Variants in AGO2 observed in about 807,000 individuals in gnomAD.
AGO2 encodes the protein protein argonaute-2.
AGO2 carries 5 observed loss-of-function variants against 102.3 expected under a neutral mutation model. The ratio of observed to expected loss-of-function variants is 0.05; its 90% CI spans 0.03 to 0.10. The LOEUF (loss-of-function observed/expected upper bound fraction) is 0.10, where lower values mean the gene tolerates loss of function less well. Ranked by LOEUF, AGO2 falls within the 10% of genes least tolerant of loss-of-function variation. The pLI is 1.00. For missense variants in AGO2, 541 were observed against 1,183.7 expected (o/e 0.46, Z 7.97); for synonymous variants, 449 against 473.1 (o/e 0.95, Z 0.66).
At chr8:140,592,609 C>T (rs1335285235) in intron 1 of AGO2, 1 of 152,196 alleles carries the variant, frequency 6.6e-6, no homozygotes, top group Non-Finnish European at 1.5e-5. Flanking sequence ...CATAGGAAGG[C>T]TATTACTCTA....
Position 140,612,220 on chromosome 8 carries a change from CAAAAAAAAAAAAAAAAAAAAAAA to C in AGO2, c.22+23242_22+23264del, listed in dbSNP as rs542472147. Among the ~76,000 whole-genome samples, 80 of 95,938 alleles carry C rather than the reference CAAAAAAAAAAAAAAAAAAAAAAA, an allele frequency of 8.3e-4. 2 individuals carry two copies. In the East Asian group the frequency reaches 0.018, roughly 22 times the overall value. The allele number at this position is 95,938 out of a possible 152,430, so 62.9% of individuals were successfully genotyped here. ...CCTGGCCAAGAGCGAGACTCTGTCT[CAAAAAAAAAAAAAAAAAAAAAAA>C]AAAAAAAAAAAAAAAAGACTTCTGG... On this transcript the variant is annotated intron_variant, in intron 1 of 18. Coordinates refer to ENST00000220592, the MANE Select transcript of AGO2 (RefSeq NM_012154.5).
rs558473626 is a variant in AGO2 at position 140,624,843 on chromosome 8, G to A, written c.22+10642C>T. 3.3e-5 allele frequency among the ~76,000 whole-genome samples: 5 copies of A among 152,316 alleles called. No homozygotes were observed. The East Asian group carries it at 5.8e-4, about 18-fold the overall frequency. ...GCCACTGGGATCTGCAATGAGAAAC[G>A]GGAAACGGGACGAGGCTCAAAGAGA... On this transcript the variant is annotated intron_variant, in intron 1 of 18. Transcript: ENST00000220592.
At chr8:140,574,565 A>AG (rs1395049775) in intron 2 of AGO2, among the ~76,000 whole-genome samples, 1 of 152,044 alleles carries the variant, frequency 6.6e-6, no homozygotes, top group Non-Finnish European at 1.5e-5. Flanking sequence ...TGCCCAGCTC[A>AG]GGGGGGTTCT....
At chr8:140,583,950 C>T (rs1165023426) in intron 2 of AGO2, among the ~76,000 whole-genome samples, 1 of 152,108 alleles carries the variant, frequency 6.6e-6, no homozygotes, top group Non-Finnish European at 1.5e-5. Context: ...GATTTCAGCT[C>T]CCTTACAATC....
Position 140,528,588 on chromosome 8 carries a change from A to G in AGO2, c.*3456T>C, listed in dbSNP as rs2072540248. 6.6e-6 allele frequency: 1 copy of G among 152,240 alleles called. No individual in the cohort carries two copies. The highest frequency in any genetic ancestry group is 1.5e-5 in the Non-Finnish European group (1 of 68,046). 9.4% of individuals were successfully genotyped at this position (152,240 alleles called of 1,614,324 possible). A position where few individuals can be genotyped will look rare whatever the true frequency, so the allele number is the denominator to read the frequency against. Reference sequence around the variant, plus strand: ...TCGTTTGTGGTTCTAGAGTGCAAACATTCATTCAAAGGAGTGTGAGACCAC... The same window carrying G: ...TCGTTTGTGGTTCTAGAGTGCAAACGTTCATTCAAAGGAGTGTGAGACCAC... On this transcript the variant is annotated 3_prime_UTR_variant, in exon 19 of 19. Coordinates refer to ENST00000220592, the MANE Select transcript of AGO2 (RefSeq NM_012154.5). This position sits in a 1 kb window ranked among gnomAD's most constrained non-coding sequence, Gnocchi z 4.5.
intron 1 of AGO2, among the ~76,000 whole-genome samples, chr8:140,634,319 A>C (rs1043944216): frequency 2.6e-5 from 4 of 152,268 alleles, no homozygotes; most frequent in Non-Finnish European, 5.9e-5. Flanking sequence ...TCCGGACCCC[A>C]CAATTTGGGG....
At chr8:140,576,859 G>A (rs1172519994) in intron 2 of AGO2, among the ~76,000 whole-genome samples, 2 of 152,112 alleles carry the variant, frequency 1.3e-5, no homozygotes, top group African/African-American at 2.4e-5. Context: ...TGCCACACCC[G>A]CACAATGCAA....
Position 140,539,002 on chromosome 8 carries a change from C to T in AGO2, c.2169+318G>A. On this transcript the variant is annotated intron_variant, in intron 16 of 18. Transcript: ENST00000220592. The surrounding 1 kb of genome is among the most constrained non-coding windows in gnomAD (Gnocchi z 4.7). ...GCCTTAGTCCTAGCTACCAGGGAGG[C>T]TGACGTGGGAAGATCACTTGAGCCC... Among the ~76,000 whole-genome samples, 1 of 152,154 alleles carries T rather than the reference C, an allele frequency of 6.6e-6. No homozygotes were observed. Among genetic ancestry groups the T allele is most frequent in the South Asian group, 2.1e-4 (1 of 4,832 alleles).
intron 6 of AGO2, 49 bp downstream of exon 6, chr8:140,559,346 G>A (rs1340591997): frequency 1.9e-5 from 31 of 1,601,926 alleles, no homozygotes; most frequent in Non-Finnish European, 2.6e-5. Context: ...AGGCGGACCG[G>A]GAAGGGGCCT....
In AGO2 at chr8:140,525,908, C is replaced by T. The variant is rs1159259422; in HGVS notation, c.*6136G>A. On this transcript the variant is annotated 3_prime_UTR_variant, in exon 19 of 19. Coordinates refer to ENST00000220592, the MANE Select transcript of AGO2 (RefSeq NM_012154.5). ...GTTCAGAGCCTCCCAGGACCGACTT[C>T]CTGCAAGTCTGCATCAGACGGTCCA... The T allele has an allele frequency of 6.6e-6, 1 of 152,156 alleles. No homozygotes were observed. Among genetic ancestry groups the T allele is most frequent in the African/African-American group, 2.4e-5 (1 of 41,434 alleles). The allele number at this position is 152,156 out of a possible 1,614,324, so 9.4% of individuals were successfully genotyped here. A position where few individuals can be genotyped will look rare whatever the true frequency, so the allele number is the denominator to read the frequency against.
chr8:140,630,329 G>C (rs535212678), intron 1 of AGO2, among the ~76,000 whole-genome samples: 1 of 152,192 alleles, frequency 6.6e-6, no homozygotes, highest in South Asian at 2.1e-4. Context: ...CACTGCCCTG[G>C]AGGAAGCTCC....
intron 3 of AGO2, among the ~76,000 whole-genome samples, chr8:140,571,095 A>G (rs1242518614): frequency 6.6e-6 from 1 of 152,182 alleles, no homozygotes; most frequent in Non-Finnish European, 1.5e-5. Flanking sequence ...TGCTTGACTG[A>G]TGTGCATTTG....
At chr8:140,563,929 G>A (rs551651818) in intron 3 of AGO2, among the ~76,000 whole-genome samples, 5 of 152,316 alleles carry the variant, frequency 3.3e-5, no homozygotes, top group South Asian at 2.1e-4. Context: ...ACGGAGCTAC[G>A]ACCAGACTCT....
intron 2 of AGO2, among the ~76,000 whole-genome samples, chr8:140,580,214 C>G (rs2073534594): frequency 6.6e-6 from 1 of 152,270 alleles, no homozygotes; most frequent in Non-Finnish European, 1.5e-5. Flanking sequence ...CACCAAACCC[C>G]ACCCCGGCAG....
Position 140,567,271 on chromosome 8 carries a change from C to T in AGO2, c.337-4637G>A, listed in dbSNP as rs2073302803. The stretch of plus-strand genomic sequence containing the variant: ...GTGGCTGGCTGGTGCTCGTGTGTGG[C>T]AGCTTAGGGCTGCATGGAGATTTTA... On this transcript the variant is annotated intron_variant, in intron 3 of 18. Coordinates refer to ENST00000220592, the MANE Select transcript of AGO2 (RefSeq NM_012154.5). This position sits in a 1 kb window ranked among gnomAD's most constrained non-coding sequence, Gnocchi z 5.0. 6.6e-6 allele frequency among the ~76,000 whole-genome samples: 1 copy of T among 152,264 alleles called. No homozygotes were observed. Among genetic ancestry groups the T allele is most frequent in the Non-Finnish European group, 1.5e-5 (1 of 68,046 alleles).
At chr8:140,533,207 G>GGCATCTGTAGTCCCATAACAGGA (rs1564070660) in intron 17 of AGO2, among the ~76,000 whole-genome samples, 2 of 150,560 alleles carry the variant, frequency 1.3e-5, no homozygotes, top group African/African-American at 4.9e-5. Flanking sequence ...GGCTAACACG[G>GGCATCTGTAGTCCCATAACAGGA]TGAAACCCTG....
At chr8:140,634,711 T>G (rs1335017127) in intron 1 of AGO2, among the ~76,000 whole-genome samples, 2 of 152,098 alleles carry the variant, frequency 1.3e-5, no homozygotes, top group Non-Finnish European at 2.9e-5. Context: ...CCTAGGAAAT[T>G]GTAAAAGGAA....
intron 13 of AGO2, among the ~76,000 whole-genome samples, chr8:140,545,910 C>G (rs2072891562): frequency 6.6e-6 from 1 of 152,194 alleles, no homozygotes; most frequent in Non-Finnish European, 1.5e-5. Flanking sequence ...GCCTTCATTC[C>G]CCAGCATTCC....
Position 140,589,960 on chromosome 8 carries a change from AAC to A in AGO2, c.23-4651_23-4650del, listed in dbSNP as rs369494995. 2.6e-5 allele frequency among the ~76,000 whole-genome samples: 4 copies of A among 152,246 alleles called. No individual in the cohort carries two copies. Among genetic ancestry groups the A allele is most frequent in the African/African-American group, 7.2e-5 (3 of 41,466 alleles). On this transcript the variant is annotated intron_variant, in intron 1 of 18. Coordinates refer to ENST00000220592, the MANE Select transcript of AGO2 (RefSeq NM_012154.5). The surrounding 1 kb of genome is among the most constrained non-coding windows in gnomAD (Gnocchi z 4.2). ...CTTATGGCCACCCAAGTTGACGCTA[AAC>A]ACAGTCATGGCAGCTTTTTTGGTGA... is the stretch of plus-strand genomic sequence containing the variant.
Sources: gnomAD v4.1 joint callset for allele counts (sites outside exome capture counted in the v4.1 genomes callset) on GRCh38, gnomAD v4.1.1 for gene constraint, Gnocchi (gnomAD v3.1) non-coding constraint, MANE v1.5 for transcripts, NCBI Gene and HGNC (gene_info 2026-07-23, HGNC 2026-07-21) for gene names.